MALRD1: variants seen among roughly 807,000 people sequenced by gnomAD.
MALRD1 encodes MAM and LDL-receptor class A domain-containing protein 1.
In MALRD1, 247 loss-of-function variants were observed where a neutral mutation model predicts 242.1. The ratio of observed to expected loss-of-function variants is 1.02; its 90% CI spans 0.92 to 1.13. The LOEUF (loss-of-function observed/expected upper bound fraction) is 1.13, where lower values mean the gene tolerates loss of function less well. Ranked by LOEUF, MALRD1 falls within the 50% of genes most tolerant of loss-of-function variation. The pLI is 0.00. For synonymous variants in MALRD1, 995 were observed against 866.6 expected (o/e 1.15, Z -2.60); for missense variants, 2,989 against 2,533.1 (o/e 1.18, Z -3.86).
chr10:19,065,356 T>A, intron 1 of MALRD1, among the ~76,000 whole-genome samples: 2 of 131,406 alleles, frequency 1.5e-5, no homozygotes, highest in African/African-American at 5.8e-5. Context: ...AAGAAAGAAA[T>A]CTCTAGAAAG....
intron 31 of MALRD1, among the ~76,000 whole-genome samples, chr10:19,512,399 AAT>A: frequency 6.6e-6 from 1 of 152,240 alleles, no homozygotes; most frequent in Admixed American, 6.5e-5. Context: ...GGACAGCAGT[AAT>A]ACATTTGCCC....
intron 21 of MALRD1, among the ~76,000 whole-genome samples, chr10:19,314,927 T>G (rs1321045021): frequency 6.6e-6 from 1 of 150,442 alleles, no homozygotes; most frequent in African/African-American, 2.4e-5. Context: ...AGAATGCAAA[T>G]TAATTCACTT....
intron 32 of MALRD1, among the ~76,000 whole-genome samples, chr10:19,541,636 A>G (rs958164047): frequency 6.6e-6 from 1 of 152,192 alleles, no homozygotes; most frequent in Non-Finnish European, 1.5e-5. Context: ...TTACTGAATA[A>G]CAGAAAAAGG....
intron 11 of MALRD1, among the ~76,000 whole-genome samples, chr10:19,152,878 G>A (rs1588620490): frequency 1.3e-5 from 2 of 151,816 alleles, no homozygotes; most frequent in East Asian, 3.9e-4. Context: ...TATAAATATT[G>A]CCTAATATTA....
At chr10:19,270,095 AC>A (rs1177856733) in intron 19 of MALRD1, among the ~76,000 whole-genome samples, 3 of 152,128 alleles carry the variant, frequency 2.0e-5, no homozygotes, top group Admixed American at 1.3e-4. Flanking sequence ...CGAGTGGATC[AC>A]CTGAGGTCAG....
intron 33 of MALRD1, among the ~76,000 whole-genome samples, chr10:19,588,559 T>C (rs1589274957): frequency 6.6e-6 from 1 of 152,230 alleles, no homozygotes; most frequent in African/African-American, 2.4e-5. Context: ...ATAGCTTTGA[T>C]TGTGGGATTT....
chr10:19,096,611 C>T (rs902662092), intron 4 of MALRD1, among the ~76,000 whole-genome samples: 3 of 152,154 alleles, frequency 2.0e-5, no homozygotes, highest in Non-Finnish European at 4.4e-5. Context: ...GCTTGTAAAA[C>T]AGCCTGCCAC....
intron 18 of MALRD1, among the ~76,000 whole-genome samples, chr10:19,213,459 C>G (rs1317582893): frequency 2.0e-5 from 3 of 152,134 alleles, no homozygotes; most frequent in African/African-American, 7.2e-5. Flanking sequence ...GTCTTGAACT[C>G]CTGACTTCGT....
At chr10:19,315,706 TTTAA>T (rs944787056) in intron 21 of MALRD1, among the ~76,000 whole-genome samples, 5 of 135,542 alleles carry the variant, frequency 3.7e-5, no homozygotes, top group Non-Finnish European at 7.7e-5. Flanking sequence ...ATAATACATA[TTTAA>T]TTATATATTG....
intron 29 of MALRD1, among the ~76,000 whole-genome samples, chr10:19,480,999 G>T (rs981846181): frequency 1.3e-5 from 2 of 152,030 alleles, no homozygotes; most frequent in Non-Finnish European, 2.9e-5. Flanking sequence ...GATAAAATGA[G>T]TTTCATGTCA....
chr10:19,129,121 A>G (rs1051756675), intron 8 of MALRD1, among the ~76,000 whole-genome samples: 1 of 152,020 alleles, frequency 6.6e-6, no homozygotes, highest in Non-Finnish European at 1.5e-5. Context: ...CAATTCTGAC[A>G]CTGCTACATG....
At chr10:19,554,943 G>C (rs920172859) in intron 32 of MALRD1, among the ~76,000 whole-genome samples, 6 of 152,048 alleles carry the variant, frequency 3.9e-5, no homozygotes, top group Non-Finnish European at 7.4e-5. Context: ...TGGTATTTCT[G>C]GTTCTGGATC....
chr10:19,336,550 A>G (rs573660521), intron 24 of MALRD1, among the ~76,000 whole-genome samples: 2 of 152,306 alleles, frequency 1.3e-5, no homozygotes, highest in South Asian at 2.1e-4. Flanking sequence ...CACCTAGGGT[A>G]TACCTTCTGA....
intron 30 of MALRD1, among the ~76,000 whole-genome samples, chr10:19,493,643 A>C (rs921101625): frequency 7.6e-6 from 1 of 132,300 alleles, no homozygotes; most frequent in African/African-American, 3.7e-5. Context: ...CCCCGTCTCT[A>C]CTAAAAAAAA....
intron 18 of MALRD1, among the ~76,000 whole-genome samples, chr10:19,235,350 C>T (rs866628161): frequency 7.3e-5 from 11 of 150,804 alleles, no homozygotes; most frequent in South Asian, 4.2e-4. Flanking sequence ...TTTTGATTTG[C>T]ATTTTTCTGA....
intron 36 of MALRD1, among the ~76,000 whole-genome samples, chr10:19,685,169 T>C (rs1256799779): frequency 6.6e-6 from 1 of 152,254 alleles, no homozygotes; most frequent in African/African-American, 2.4e-5. Flanking sequence ...TTTTACTTTC[T>C]AGGTCTGGAA....
chr10:19,375,551 C>T (rs570589982), intron 26 of MALRD1, among the ~76,000 whole-genome samples: 15 of 152,212 alleles, frequency 9.9e-5, no homozygotes, highest in Admixed American at 5.9e-4. Flanking sequence ...TACTGTCACC[C>T]GCCATGCTCT....
chr10:19,276,871 T>C (rs1840554168), intron 19 of MALRD1, among the ~76,000 whole-genome samples: 1 of 152,032 alleles, frequency 6.6e-6, no homozygotes, highest in South Asian at 2.1e-4. Flanking sequence ...ATAGAAAATA[T>C]TTCTTTTTAC....
At chr10:19,607,735 A>G (rs1838704973) in intron 34 of MALRD1, 42 bp from the exon 35 acceptor site, 20 of 1,525,644 alleles carry the variant, frequency 1.3e-5, no homozygotes, top group Non-Finnish European at 1.8e-5. Context: ...ACAAAAAAAA[A>G]TCATGCTGGC....
Sources: allele counts gnomAD v4.1 joint callset (sites outside exome capture counted in the v4.1 genomes callset), GRCh38; gene constraint gnomAD v4.1.1; transcripts MANE v1.5; gene names NCBI Gene and HGNC (gene_info 2026-07-23, HGNC 2026-07-21).